KRT19: variants seen among roughly 807,000 people sequenced by gnomAD.
The protein encoded by KRT19 is keratin 19.
In KRT19, 21 loss-of-function variants were observed where a neutral mutation model predicts 34.6. The ratio of observed to expected loss-of-function variants is 0.61; its 90% CI spans 0.43 to 0.87. The LOEUF (loss-of-function observed/expected upper bound fraction) is 0.87, where lower values mean the gene tolerates loss of function less well. KRT19 is among the 40% of genes least tolerant of loss of function. KRT19 has a pLI of 0.00. For synonymous variants in KRT19, 240 were observed against 245.8 expected (o/e 0.98, Z 0.22); for missense variants, 514 against 545.7 (o/e 0.94, Z 0.58).
chr17:41,525,094 A>G (rs1905814433), intron 2 of KRT19, 95 bp from the exon 3 acceptor site: 1 of 1,572,640 alleles, frequency 6.4e-7, no homozygotes, highest in Admixed American at 1.7e-5. Context: ...TAGGGGGGTT[A>G]GCTTCAGGCC....
Position 41,524,366 on chromosome 17 carries a change from TC to T in KRT19, c.822+12del, listed in dbSNP as rs759004006. On this transcript the variant is annotated intron_variant, in intron 4 of 5. Transcript: ENST00000361566. ...TCCTAACCCCCAAAGGGTGCCTGCT[TC>T]CCTCTACCTACCCGGCTGGTGAACC... 3.7e-6 allele frequency: 6 copies of T among 1,613,794 alleles called. No homozygotes were observed. The African/African-American group carries it at 6.7e-5, about 18-fold the overall frequency.
At position 41,528,239 on chromosome 17, in the gene KRT19, G is replaced by A; in HGVS notation, c.9C>T (p.Ser3=). 6.4e-7 allele frequency: 1 copy of A among 1,560,852 alleles called. No homozygotes were observed. The highest frequency in any genetic ancestry group is 8.6e-7 in the Non-Finnish European group (1 of 1,162,532). MT[S]YSYRQSSATS... The stretch of plus-strand genomic sequence containing the variant: ...TGGCCGACGACTGGCGATAGCTGTA[G>A]GAAGTCATGGCGAGGCGGAGCACGG... Residue 3 remains serine (S), a synonymous_variant, in exon 1 of 6, where the codon TCC becomes TCT. Transcript: ENST00000361566.
rs1905932013 is a variant in KRT19 at position 41,528,049 on chromosome 17, C to A, written c.199G>T (p.Gly67Cys). The A allele has an allele frequency of 7.5e-6, 12 of 1,610,404 alleles. No homozygotes were observed. The highest frequency in any genetic ancestry group is 1.0e-5 in the Non-Finnish European group (12 of 1,179,294). The change falls in exon 1 of 6, where the codon GGC becomes TGC. Residue 67 changes from glycine to cysteine, a missense_variant. Coordinates refer to ENST00000361566, the MANE Select transcript of KRT19 (RefSeq NM_002276.5). ...SSGAYGGGYG[G>C]VLTASDGLLA... ...AGCCCGTCGGACGCGGTCAGGACGC[C>A]GCCGTAGCCGCCGCCGTAGGCCCCC...
chr17:41,525,978 T>G (rs1567722701), intron 1 of KRT19, among the ~76,000 whole-genome samples: 2 of 152,168 alleles, frequency 1.3e-5, no homozygotes, highest in South Asian at 2.1e-4. Flanking sequence ...TTTTGTTTTT[T>G]GGGGTTTTTT....
chr17:41,524,430 C>G lies in KRT19; in HGVS notation c.771G>C (p.Glu257Asp), dbSNP rs774109219. 1.2e-6 allele frequency: 2 copies of G among 1,614,238 alleles called. No individual in the cohort carries two copies. Among genetic ancestry groups the G allele is most frequent in the South Asian group, 2.2e-5 (2 of 91,088 alleles). ...KILSDMRSQY[E>D]VMAEQNRKDA... ...CCTTCCGGTTCTGCTCGGCCATGAC[C>G]TCATATTGGCTTCGCATGTCACTCA... The change falls in exon 4 of 6, where the codon GAG becomes GAC. Residue 257 changes from glutamate to aspartate, a missense_variant. Transcript: ENST00000361566.
chr17:41,527,639 G>C (rs1468260074), intron 1 of KRT19, among the ~76,000 whole-genome samples, 189 bp downstream of exon 1: 1 of 150,320 alleles, frequency 6.7e-6, no homozygotes. Context: ...CCACCACCCC[G>C]GCCTCTGCAT....
Position 41,528,044 on chromosome 17 carries a change from G to C in KRT19, c.204C>G (p.Val68=), listed in dbSNP as rs767288227. The C allele has an allele frequency of 2.5e-6, 4 of 1,611,204 alleles. No individual in the cohort carries two copies. The highest frequency in any genetic ancestry group is 3.4e-6 in the Non-Finnish European group (4 of 1,179,524). ...SGAYGGGYGG[V]LTASDGLLAG... ...CCAGCAGCCCGTCGGACGCGGTCAG[G>C]ACGCCGCCGTAGCCGCCGCCGTAGG... is the stretch of plus-strand genomic sequence containing the variant. The change falls in exon 1 of 6, where the codon GTC becomes GTG. Residue 68 remains valine (V), a synonymous_variant. Coordinates refer to ENST00000361566, the MANE Select transcript of KRT19 (RefSeq NM_002276.5).
At chr17:41,524,109 C>T in intron 5 of KRT19, 34 bp downstream of exon 5, 1 of 1,607,728 alleles carries the variant, frequency 6.2e-7, no homozygotes, top group South Asian at 1.1e-5. Context: ...GTGTGAATTG[C>T]ACAGGGAAGC....
At chr17:41,525,959 G>A (rs1018194981) in intron 1 of KRT19, among the ~76,000 whole-genome samples, 23 of 151,982 alleles carry the variant, frequency 1.5e-4, no homozygotes, top group African/African-American at 5.6e-4. Context: ...TTTTGGGGGG[G>A]TTTTTTGGTT....
intron 1 of KRT19, among the ~76,000 whole-genome samples, chr17:41,527,268 T>A (rs1905900616): frequency 6.6e-6 from 1 of 152,162 alleles, no homozygotes; most frequent in Admixed American, 6.5e-5. Context: ...GGCTCTCCCA[T>A]TCTTCCTAAA....
Position 41,527,838 on chromosome 17 carries a change from A to T in KRT19, c.410T>A (p.Leu137Gln). 6.3e-7 allele frequency: 1 copy of T among 1,585,698 alleles called. No individual in the cohort carries two copies. Among genetic ancestry groups the T allele is most frequent in the Non-Finnish European group, 8.6e-7 (1 of 1,163,392 alleles). ...CGGGCCTCCGCCCACCTTGTCCCGC[A>T]GGTCCTGGATGGTCGTGTAGTAGTG... ...YSHYYTTIQD[L>Q]RDKILGATIE... Residue 137 changes from leucine (L) to glutamine (Q), a missense_variant, in exon 1 of 6, where the codon CTG (leucine) becomes CAG (glutamine). Physicochemically the swap from Leu to Gln is moderately radical, Grantham distance 113. Transcript: ENST00000361566.
chr17:41,528,249 G>C lies in KRT19; in HGVS notation c.-2C>G, dbSNP rs781145770. On this transcript the variant is annotated 5_prime_UTR_variant, in exon 1 of 6. Coordinates refer to ENST00000361566, the MANE Select transcript of KRT19 (RefSeq NM_002276.5). Reference sequence around the variant, plus strand: ...CTGGCGATAGCTGTAGGAAGTCATGGCGAGGCGGAGCACGGACGGAGCAAC... The same window carrying C: ...CTGGCGATAGCTGTAGGAAGTCATGCCGAGGCGGAGCACGGACGGAGCAAC... 2 of 1,550,124 alleles carry C rather than the reference G, an allele frequency of 1.3e-6. No homozygotes were observed. Among genetic ancestry groups the C allele is most frequent in the Admixed American group, 3.7e-5 (2 of 53,708 alleles).
rs764623885 is a variant in KRT19 at position 41,524,983 on chromosome 17, C to G, written c.520G>C (p.Ala174Pro). The G allele has an allele frequency of 1.4e-5, 23 of 1,613,944 alleles. No homozygotes were observed. The highest frequency in any genetic ancestry group is 2.2e-5 in the East Asian group (1 of 44,888). Residue 174 changes from alanine to proline, a missense_variant, in exon 3 of 6, where the codon GCT (alanine) becomes CCT (proline). Physicochemically the swap from Ala to Pro is conservative, Grantham distance 27 (BLOSUM62 -1). Coordinates refer to ENST00000361566, the MANE Select transcript of KRT19 (RefSeq NM_002276.5). ...TCGGCCTCCACGCTCATGCGCAGAGCCTGTTCCGTCTCAAACCTTTCAAAG... is the reference window on the plus strand; with the variant it reads ...TCGGCCTCCACGCTCATGCGCAGAGGCTGTTCCGTCTCAAACCTTTCAAAG... ...DFRTKFETEQ[A>P]LRMSVEADIN...
Position 41,524,809 on chromosome 17 carries a change from G to C in KRT19, c.660+34C>G. 3 of 1,611,394 alleles carry C rather than the reference G, an allele frequency of 1.9e-6. No individual in the cohort carries two copies. In the South Asian group the frequency reaches 3.3e-5, roughly 18 times the overall value. Reference sequence around the variant, plus strand: ...GAGTCTTCAGCCCTGGGAGGTTAGGGAAGGATGGAAGAAAGGCCCAGCTTC... The same window carrying C: ...GAGTCTTCAGCCCTGGGAGGTTAGGCAAGGATGGAAGAAAGGCCCAGCTTC... On this transcript the variant is annotated intron_variant, in intron 3 of 5. Transcript: ENST00000361566.
rs761448167 is a variant in KRT19, at chr17:41,524,444, G to T, written c.757C>A (p.Arg253=). The change falls in exon 4 of 6, where the codon CGA becomes AGA. Residue 253 remains arginine, a synonymous_variant. Coordinates refer to ENST00000361566, the MANE Select transcript of KRT19 (RefSeq NM_002276.5). ...TDLAKILSDM[R]SQYEVMAEQN... ...TCGGCCATGACCTCATATTGGCTTC[G>T]CATGTCACTCAGGATCTTGGCGAGA... 255 of 1,614,134 alleles carry T rather than the reference G, an allele frequency of 1.6e-4. 3 individuals carry two copies. The East Asian group carries it at 5.5e-3, about 35-fold the overall frequency.
chr17:41,524,697 T>C lies in KRT19; in HGVS notation c.660+146A>G. The C allele has an allele frequency of 2.4e-6, 3 of 1,236,610 alleles. No individual in the cohort carries two copies. The South Asian group carries it at 4.1e-5, about 17-fold the overall frequency. The allele number at this position is 1,236,610 out of a possible 1,614,324, so 76.6% of individuals were successfully genotyped here. A position where few individuals can be genotyped will look rare whatever the true frequency, so the allele number is the denominator to read the frequency against. ...CAGACTGGGTCATCACTGATTCCTC[T>C]TGGAACCCTGGGATCCATGATCCCA... On this transcript the variant is annotated intron_variant, in intron 3 of 5. Coordinates refer to ENST00000361566, the MANE Select transcript of KRT19 (RefSeq NM_002276.5).
rs1043299665 is a variant in KRT19 at position 41,523,653 on chromosome 17, G to C, written c.*90C>G. 4.9e-5 allele frequency: 66 copies of C among 1,345,360 alleles called. No individual in the cohort carries two copies. Among genetic ancestry groups the C allele is most frequent in the Non-Finnish European group, 6.1e-5 (59 of 968,780 alleles). The allele number at this position is 1,345,360 out of a possible 1,614,324, so 83.3% of individuals were successfully genotyped here. A position where few individuals can be genotyped will look rare whatever the true frequency, so the allele number is the denominator to read the frequency against. The stretch of plus-strand genomic sequence containing the variant: ...ATAAATTTTTATTGGCAGGTCAGGA[G>C]AAGAGCCGGGGGTAAGGGTCCCTTC... On this transcript the variant is annotated 3_prime_UTR_variant, in exon 6 of 6. Coordinates refer to ENST00000361566, the MANE Select transcript of KRT19 (RefSeq NM_002276.5).
Position 41,523,659 on chromosome 17 carries a change from C to G in KRT19, c.*84G>C. ...TTTTATTGGCAGGTCAGGAGAAGAG[C>G]CGGGGGTAAGGGTCCCTTCCTTCCC... On this transcript the variant is annotated 3_prime_UTR_variant, in exon 6 of 6. Transcript: ENST00000361566. The G allele has an allele frequency of 7.2e-7, 1 of 1,385,244 alleles. No individual in the cohort carries two copies. The highest frequency in any genetic ancestry group is 1.0e-6 in the Non-Finnish European group (1 of 1,001,450). 85.8% of individuals were successfully genotyped at this position (1,385,244 alleles called of 1,614,324 possible). A position where few individuals can be genotyped will look rare whatever the true frequency, so the allele number is the denominator to read the frequency against.
chr17:41,528,027 C>A lies in KRT19; in HGVS notation c.221G>T (p.Gly74Val), dbSNP rs748778982. The part of the protein sequence containing the change: ...GYGGVLTASD[G>V]LLAGNEKLTM... ...TAGCTTCTCGTTGCCCGCCAGCAGC[C>A]CGTCGGACGCGGTCAGGACGCCGCC... is the stretch of plus-strand genomic sequence containing the variant. The change falls in exon 1 of 6, where the codon GGG becomes GTG. Residue 74 changes from glycine (G) to valine (V), a missense_variant. By Grantham distance (109) the Gly-to-Val change is moderately radical (BLOSUM62 -3). Coordinates refer to ENST00000361566, the MANE Select transcript of KRT19 (RefSeq NM_002276.5). 1.2e-4 allele frequency: 188 copies of A among 1,612,566 alleles called. No homozygotes were observed. Among genetic ancestry groups the A allele is most frequent in the Non-Finnish European group, 1.5e-4 (177 of 1,179,752 alleles).
Sources: allele counts gnomAD v4.1 joint callset (sites outside exome capture counted in the v4.1 genomes callset), GRCh38; gene constraint gnomAD v4.1.1; transcripts MANE v1.5; gene names NCBI Gene and HGNC (gene_info 2026-07-23, HGNC 2026-07-21).